IDH1: variants seen among roughly 807,000 people sequenced by gnomAD.
IDH1 encodes isocitrate dehydrogenase (NADP(+)) 1.
IDH1 carries 33 observed loss-of-function variants against 46.1 expected under a neutral mutation model. The ratio of observed to expected loss-of-function variants is 0.72; its 90% CI spans 0.54 to 0.96. The LOEUF (loss-of-function observed/expected upper bound fraction) is 0.96. Among genes scored for constraint, IDH1 ranks in the 40% least tolerant of loss-of-function variants. IDH1 has a pLI of 0.00. For synonymous variants in IDH1, 144 were observed against 172.8 expected, an observed-to-expected ratio of 0.83 and a Z score of 1.31; for missense variants, 421 against 515.7, an observed-to-expected ratio of 0.82 and a Z score of 1.78.
rs751147148 is a variant in IDH1, at chr2:208,239,242, G to A, written c.992-9C>T. The A allele has an allele frequency of 9.3e-6, 15 of 1,613,478 alleles. No individual in the cohort carries two copies. In the South Asian group the frequency reaches 1.6e-4, roughly 18 times the overall value. On this transcript the variant is annotated splice_polypyrimidine_tract_variant and intron_variant, in intron 8 of 9. Transcript: ENST00000345146. ...CCAGGCAAAAATGGAAGCTAAAAGA[G>A]GGGAAAAAAAACACAACACTCCAAT... is the stretch of plus-strand genomic sequence containing the variant.
chr2:208,245,995 A>T (rs1336042602), intron 4 of IDH1, among the ~76,000 whole-genome samples: 2 of 152,332 alleles, frequency 1.3e-5, no homozygotes, highest in Non-Finnish European at 2.9e-5. Flanking sequence ...GGAGGGAACT[A>T]TGATATAGTA....
At chr2:208,247,426 A>G (rs1688043731) in intron 4 of IDH1, 1 of 152,124 alleles carries the variant, frequency 6.6e-6, no homozygotes, top group African/African-American at 2.4e-5. Flanking sequence ...GCTTTCAACT[A>G]CCGAGTCAGT....
chr2:208,243,133 AT>A (rs1410714126), intron 6 of IDH1, among the ~76,000 whole-genome samples: 10 of 152,218 alleles, frequency 6.6e-5, no homozygotes, highest in African/African-American at 2.4e-4. Flanking sequence ...AAACTCACAC[AT>A]GAAAAATTAG....
chr2:208,245,135 A>T (rs1375883198), intron 5 of IDH1, among the ~76,000 whole-genome samples, 184 bp downstream of exon 5: 1 of 152,208 alleles, frequency 6.6e-6, no homozygotes, highest in Non-Finnish European at 1.5e-5. Context: ...TTGTGCCTTT[A>T]TTCATGCCAC....
rs1358557269 is a variant in IDH1, at chr2:208,236,697, G to A, written c.*382C>T. The A allele has an allele frequency of 3.4e-6, 1 of 298,328 alleles. No individual in the cohort carries two copies. The highest frequency in any genetic ancestry group is 6.4e-5 in the South Asian group (1 of 15,712). 18.5% of individuals were successfully genotyped at this position (298,328 alleles called of 1,614,324 possible). ...CCAAGGTCATGGACAGGAGGGGAAG[G>A]CAGTGAATTTCTACTTTATGCATAT... On this transcript the variant is annotated 3_prime_UTR_variant, in exon 10 of 10. Coordinates refer to ENST00000345146, the MANE Select transcript of IDH1 (RefSeq NM_005896.4).
rs1175568871 is a variant in IDH1 at position 208,242,126 on chromosome 2, C to T, written c.718G>A (p.Glu240Lys). ...TGCTCATACCAGATCTTTTGAGCTT[C>T]AAACTGGGACTTGTACTGCCTGGGA... Reference protein sequence around the residue: ...IYDKQYKSQFEAQKIWYEHRL... With the variant: ...IYDKQYKSQFKAQKIWYEHRL... Residue 240 changes from glutamate (E) to lysine (K), a missense_variant, in exon 7 of 10, where the codon GAA becomes AAA. Physicochemically the swap from Glu to Lys is moderately conservative, Grantham distance 56. Coordinates refer to ENST00000345146, the MANE Select transcript of IDH1 (RefSeq NM_005896.4). 1 of 1,613,966 alleles carries T rather than the reference C, an allele frequency of 6.2e-7. No individual in the cohort carries two copies.
At chr2:208,237,305 A>G (rs1687829153) in intron 9 of IDH1, 136 bp from the exon 10 acceptor site, 6 of 681,860 alleles carry the variant, frequency 8.8e-6, no homozygotes, top group South Asian at 3.1e-5. Flanking sequence ...TTAGTAAGCT[A>G]CAAAATCTAT....
intron 9 of IDH1, among the ~76,000 whole-genome samples, chr2:208,238,269 T>G (rs1229781386): frequency 6.6e-6 from 1 of 152,028 alleles, no homozygotes; most frequent in Admixed American, 6.5e-5. Flanking sequence ...TCTCCTGACC[T>G]CGTGATCCAC....
rs536880332 is a variant in IDH1, at chr2:208,239,165, A to C, written c.1060T>G (p.Phe354Val). ...ACTTCTTCCAAAGCATTTGCAAAGA[A>C]GGCAAGCTCTTTATTGTTATCAAGC... ...AKLDNNKELAFFANALEEVSI... is the reference protein window; with the variant it reads ...AKLDNNKELAVFANALEEVSI... The change falls in exon 9 of 10, where the codon TTC (phenylalanine) becomes GTC (valine). Residue 354 changes from phenylalanine (F) to valine (V), a missense_variant. Transcript: ENST00000345146. 1 of 1,614,142 alleles carries C rather than the reference A, an allele frequency of 6.2e-7. No individual in the cohort carries two copies. Among genetic ancestry groups the C allele is most frequent in the South Asian group, 1.1e-5 (1 of 91,080 alleles).
intron 6 of IDH1, 86 bp downstream of exon 6, chr2:208,243,341 T>G: frequency 9.6e-7 from 1 of 1,037,980 alleles, no homozygotes; most frequent in Non-Finnish European, 1.5e-6. Context: ...TTACCCAGAA[T>G]CATAGGGATA....
chr2:208,245,780 C>CA lies in IDH1; in HGVS notation c.415-357_415-356insT, dbSNP rs753170344. 7.5e-4 allele frequency among the ~76,000 whole-genome samples: 17 copies of CA among 22,612 alleles called. 1 individual carries two copies. Among genetic ancestry groups the CA allele is most frequent in the Admixed American group, 4.4e-3 (9 of 2,034 alleles). 14.8% of individuals were successfully genotyped at this position (22,612 alleles called of 152,430 possible). Reference sequence around the variant, plus strand: ...TCAAATGCCAAAAGAGGGTATTAGACCCCCCCCCCAAAAAAAAAAAAACTA... The same window carrying CA: ...TCAAATGCCAAAAGAGGGTATTAGACACCCCCCCCCAAAAAAAAAAAAACTA... On this transcript the variant is annotated intron_variant, in intron 4 of 9. Coordinates refer to ENST00000345146, the MANE Select transcript of IDH1 (RefSeq NM_005896.4).
intron 4 of IDH1, chr2:208,247,545 C>T (rs1366496621): frequency 1.3e-5 from 2 of 152,326 alleles, no homozygotes; most frequent in African/African-American, 4.8e-5. Context: ...AAGGGATCCT[C>T]AGGCCTCAGC....
At chr2:208,246,662 C>T (rs1314199471) in intron 4 of IDH1, among the ~76,000 whole-genome samples, 3 of 150,442 alleles carry the variant, frequency 2.0e-5, no homozygotes, top group Admixed American at 1.3e-4. Context: ...AGAGGAAGGC[C>T]GGGCATGGTG....
rs747419787 is a variant in IDH1, at chr2:208,248,428, G to C, written c.355C>G (p.Arg119Gly). ...GGTTTTACCCATCCACTCACAAGCC[G>C]GGGGATATTTTTGCAGATAATGGCT... ...REAIICKNIP[R>G]LVSGWVKPII... The change falls in exon 4 of 10, where the codon CGG becomes GGG. Residue 119 changes from arginine (R) to glycine (G), a missense_variant. Coordinates refer to ENST00000345146, the MANE Select transcript of IDH1 (RefSeq NM_005896.4). 1.2e-6 allele frequency: 2 copies of C among 1,613,842 alleles called. No homozygotes were observed. Among genetic ancestry groups the C allele is most frequent in the South Asian group, 2.2e-5 (2 of 91,066 alleles).
intron 6 of IDH1, among the ~76,000 whole-genome samples, 155 bp from the exon 7 acceptor site, chr2:208,242,300 A>C (rs1339554219): frequency 6.6e-6 from 1 of 152,224 alleles, no homozygotes; most frequent in Non-Finnish European, 1.5e-5. Flanking sequence ...CATTGGCTCA[A>C]ATCCTAGCCC....
chr2:208,254,017 G>C (rs1462482940), intron 1 of IDH1, 58 bp from the exon 2 acceptor site: 2 of 152,250 alleles, frequency 1.3e-5, no homozygotes, highest in Non-Finnish European at 2.9e-5. Flanking sequence ...GGAGAATTTA[G>C]CTGTTTTTAG....
rs1273619819 is a variant in IDH1, at chr2:208,251,431, T to C, written c.121A>G (p.Ser41Gly). Residue 41 changes from serine to glycine, a missense_variant and splice_region_variant, in exon 3 of 10, where the codon AGC becomes GGC. Physicochemically the swap from Ser to Gly is moderately conservative, Grantham distance 56. Transcript: ENST00000345146. The part of the protein sequence containing the change: ...IFPYVELDLH[S>G]YDLGIENRDA... ...TACACGGAGGGGTAACTCATTTACC[T>C]ATGTAGATCCAATTCCACGTAGGGA... is the stretch of plus-strand genomic sequence containing the variant. 3 of 1,612,962 alleles carry C rather than the reference T, an allele frequency of 1.9e-6. No individual in the cohort carries two copies. Among genetic ancestry groups the C allele is most frequent in the South Asian group, 1.1e-5 (1 of 91,052 alleles).
At chr2:208,247,513 G>C (rs553473888) in intron 4 of IDH1, 1 of 151,958 alleles carries the variant, frequency 6.6e-6, no homozygotes, top group Non-Finnish European at 1.5e-5. Flanking sequence ...GCTCATAGCT[G>C]TAACCTTGAA....
chr2:208,243,434 A>T lies in IDH1; in HGVS notation c.691T>A (p.Tyr231Asn). Reference sequence around the variant, plus strand: ...AAAAAGAACTATAGTTACTTGTCATATATCTCCTGAAAGATGTCTTTAAAA... The same window carrying T: ...AAAAAGAACTATAGTTACTTGTCATTTATCTCCTGAAAGATGTCTTTAAAA... ...GRFKDIFQEI[Y>N]DKQYKSQFEA... is the part of the protein sequence containing the mutation. The change falls in exon 6 of 10, where the codon TAT becomes AAT. Residue 231 changes from tyrosine (Y) to asparagine (N), a missense_variant. Transcript: ENST00000345146. The T allele has an allele frequency of 1.2e-6, 2 of 1,611,128 alleles. No homozygotes were observed. The highest frequency in any genetic ancestry group is 1.7e-6 in the Non-Finnish European group (2 of 1,177,404).
Sources: gnomAD v4.1 joint callset for allele counts (sites outside exome capture counted in the v4.1 genomes callset) on GRCh38, gnomAD v4.1.1 for gene constraint, MANE v1.5 for transcripts, NCBI Gene and HGNC (gene_info 2026-07-23, HGNC 2026-07-21) for gene names.